ATP8B1: variants seen among roughly 807,000 people sequenced by gnomAD.
ATP8B1 encodes phospholipid-transporting ATPase IC.
In ATP8B1, 80 loss-of-function variants were observed where a neutral mutation model predicts 149.9. That is an observed-to-expected ratio of 0.53 (90% CI 0.45 to 0.64). ATP8B1 has a LOEUF of 0.64. ATP8B1 is among the 30% of genes least tolerant of loss of function. ATP8B1 has a pLI of 0.00. For missense variants in ATP8B1, 1,247 were observed against 1,552.6 expected (o/e 0.80, Z 3.31); for synonymous variants, 536 against 562.8 (o/e 0.95, Z 0.67).
At chr18:57,798,816 G>A (rs1389880853) in intron 1 of ATP8B1, among the ~76,000 whole-genome samples, 3 of 152,098 alleles carry the variant, frequency 2.0e-5, no homozygotes, top group Admixed American at 6.5e-5. Context: ...GAGCCACCAG[G>A]GCTTAAGAAC....
At chr18:57,772,768 CAG>C (rs2080274280) in intron 1 of ATP8B1, among the ~76,000 whole-genome samples, 1 of 152,030 alleles carries the variant, frequency 6.6e-6, no homozygotes, top group Admixed American at 6.6e-5. Flanking sequence ...GGAGAAGTAA[CAG>C]GGACGATGAG....
intron 1 of ATP8B1, among the ~76,000 whole-genome samples, chr18:57,751,093 A>G (rs1326020744): frequency 6.6e-6 from 1 of 152,200 alleles, no homozygotes; most frequent in Non-Finnish European, 1.5e-5. Flanking sequence ...ACTGGACCCC[A>G]GCCTGGGTAA....
intron 24 of ATP8B1, among the ~76,000 whole-genome samples, chr18:57,653,135 GCTT>G (rs1041370961): frequency 5.0e-4 from 76 of 152,074 alleles, no homozygotes; most frequent in African/African-American, 1.8e-3. Flanking sequence ...TCTTTATAGT[GCTT>G]CTTTCTTTTT....
At chr18:57,726,862 C>G (rs1055381866) in intron 2 of ATP8B1, among the ~76,000 whole-genome samples, 1 of 152,092 alleles carries the variant, frequency 6.6e-6, no homozygotes, top group African/African-American at 2.4e-5. Context: ...GGCGAATCAC[C>G]TTAGGTCAGG....
chr18:57,787,572 G>A (rs1242934574), intron 1 of ATP8B1, among the ~76,000 whole-genome samples: 1 of 152,182 alleles, frequency 6.6e-6, no homozygotes, highest in Non-Finnish European at 1.5e-5. Context: ...TGGGTGGGGA[G>A]TGTTGGCTCC....
At chr18:57,661,714 T>TATA (rs1491309917) in intron 21 of ATP8B1, among the ~76,000 whole-genome samples, 1,033 of 37,078 alleles carry the variant, frequency 0.028, 2 homozygotes, top group African/African-American at 0.079. Context: ...TATATATATA[T>TATA]TTTTTTTTTT....
intron 22 of ATP8B1, among the ~76,000 whole-genome samples, chr18:57,660,169 C>T (rs192056586): frequency 1.0e-3 from 153 of 152,268 alleles, no homozygotes; most frequent in African/African-American, 3.6e-3. Flanking sequence ...GAGATGAGGG[C>T]TGTGGGTGTG....
At chr18:57,726,249 C>CA (rs971250051) in intron 2 of ATP8B1, among the ~76,000 whole-genome samples, 2 of 137,206 alleles carry the variant, frequency 1.5e-5, no homozygotes, top group Admixed American at 1.5e-4. Flanking sequence ...ACAACAACAA[C>CA]AAAAAAACCA....
intron 6 of ATP8B1, among the ~76,000 whole-genome samples, chr18:57,699,062 A>G (rs1432284333): frequency 6.6e-6 from 1 of 152,206 alleles, no homozygotes; most frequent in African/African-American, 2.4e-5. Flanking sequence ...GCACCAACTC[A>G]GGGATCAGTA....
intron 1 of ATP8B1, among the ~76,000 whole-genome samples, chr18:57,779,148 C>T (rs1469596883): frequency 6.6e-6 from 1 of 151,994 alleles, no homozygotes; most frequent in African/African-American, 2.4e-5. Flanking sequence ...CATAGCAAAA[C>T]CCCATCTCTA....
chr18:57,652,397 A>C, intron 25 of ATP8B1, 87 bp downstream of exon 25: 2 of 1,557,356 alleles, frequency 1.3e-6, no homozygotes, highest in Non-Finnish European at 1.8e-6. Flanking sequence ...GTGCAGTGGG[A>C]GTCAGGTGGA....
chr18:57,716,492 AAGATATTCCATGC>A, intron 2 of ATP8B1, among the ~76,000 whole-genome samples: 1 of 152,330 alleles, frequency 6.6e-6, no homozygotes, highest in Non-Finnish European at 1.5e-5. Flanking sequence ...GGGATTGAAG[AAGATATTCCATGC>A]CAATGGAAAG....
chr18:57,800,057 A>G (rs2080559419), intron 1 of ATP8B1, among the ~76,000 whole-genome samples: 1 of 152,242 alleles, frequency 6.6e-6, no homozygotes, highest in Non-Finnish European at 1.5e-5. Context: ...ATGTCAACAG[A>G]CCTGAAAACT....
chr18:57,785,062 C>T (rs1017329703), intron 1 of ATP8B1, among the ~76,000 whole-genome samples: 1 of 152,162 alleles, frequency 6.6e-6, no homozygotes, highest in African/African-American at 2.4e-5. Flanking sequence ...TCTCATGTTC[C>T]GGCTTTGTTG....
chr18:57,712,127 A>G lies in ATP8B1; in HGVS notation c.182-5540T>C, dbSNP rs929587446. Among the ~76,000 whole-genome samples the G allele has an allele frequency of 8.6e-5, 13 of 151,984 alleles. 1 individual carries two copies. The highest frequency in any genetic ancestry group is 3.3e-4 in the Admixed American group (5 of 15,258). On this transcript the variant is annotated intron_variant, in intron 2 of 27. Coordinates refer to ENST00000648908, the MANE Select transcript of ATP8B1 (RefSeq NM_001374385.1). Reference sequence around the variant, plus strand: ...GAAGCTCGCACGAATTGTAATTCCCATAGGAACATCAAATTTAACAACTAT... The same window carrying G: ...GAAGCTCGCACGAATTGTAATTCCCGTAGGAACATCAAATTTAACAACTAT...
intron 27 of ATP8B1, among the ~76,000 whole-genome samples, chr18:57,649,843 A>G (rs1002675662): frequency 1.3e-5 from 2 of 152,114 alleles, no homozygotes; most frequent in Non-Finnish European, 2.9e-5. Context: ...CAGCATCCAT[A>G]TGAAGCTAAT....
intron 1 of ATP8B1, among the ~76,000 whole-genome samples, chr18:57,764,213 A>G (rs1430059549): frequency 2.0e-5 from 3 of 152,060 alleles, no homozygotes; most frequent in Non-Finnish European, 2.9e-5. Context: ...CACCTCCGCC[A>G]TGACTGTGCA....
chr18:57,722,933 G>T (rs1469597062), intron 2 of ATP8B1, among the ~76,000 whole-genome samples: 1 of 150,244 alleles, frequency 6.7e-6, no homozygotes, highest in Admixed American at 6.6e-5. Flanking sequence ...GGGATGCAAG[G>T]CTGGTTCAAT....
intron 1 of ATP8B1, among the ~76,000 whole-genome samples, chr18:57,797,061 C>A (rs1483822088): frequency 6.6e-6 from 1 of 152,178 alleles, no homozygotes; most frequent in Non-Finnish European, 1.5e-5. Context: ...GTACATGAAT[C>A]ACACCACACT....
Sources: allele counts gnomAD v4.1 joint callset (sites outside exome capture counted in the v4.1 genomes callset), GRCh38; gene constraint gnomAD v4.1.1; transcripts MANE v1.5; gene names NCBI Gene and HGNC (gene_info 2026-07-23, HGNC 2026-07-21).